MACF1: variants seen among roughly 807,000 people sequenced by gnomAD.
MACF1 encodes the protein microtubule actin crosslinking factor 1.
MACF1 carries 193 observed loss-of-function variants against 854.8 expected under a neutral mutation model. That is an observed-to-expected ratio of 0.23 (90% CI 0.20 to 0.25). The LOEUF (loss-of-function observed/expected upper bound fraction) is 0.25, where lower values mean the gene tolerates loss of function less well. Among genes scored for constraint, MACF1 ranks in the 10% least tolerant of loss-of-function variants. The probability of loss-of-function intolerance (pLI) is 1.00; values close to 1 mark genes in which losing one functional copy is unlikely to be tolerated. For missense variants in MACF1, 7,722 were observed against 8,929.1 expected (o/e 0.86, Z 5.45); for synonymous variants, 3,185 against 3,226.7 (o/e 0.99, Z 0.44).
chr1:39,233,031 GTGTTTTGTT>G (rs1644802641), intron 2 of MACF1, among the ~76,000 whole-genome samples: 69 of 84,164 alleles, frequency 8.2e-4, no homozygotes, highest in East Asian at 2.2e-3. Flanking sequence ...TGTTGTTGTT[GTGTTTTGTT>G]TTTTGTTTTT....
intron 48 of MACF1, 34 bp downstream of exon 48, chr1:39,361,035 G>A (rs1648143989): frequency 1.9e-6 from 3 of 1,562,020 alleles, no homozygotes; most frequent in East Asian, 4.5e-5. Flanking sequence ...AGCATAGAGG[G>A]TATGTTTGCT....
At chr1:39,262,779 C>T (rs1437351473) in intron 6 of MACF1, among the ~76,000 whole-genome samples, 1 of 152,076 alleles carries the variant, frequency 6.6e-6, no homozygotes, top group African/African-American at 2.4e-5. Context: ...AGCCAAATGC[C>T]TATTTATTTG....
chr1:39,357,546 G>A lies in MACF1; in HGVS notation c.11596G>A (p.Glu3866Lys). Reference sequence around the variant, plus strand: ...ATACTCTACTTCCCTGGCCCAATCAGAGGCAGAACTGAAGCAGGTGCAGAC... The same window carrying A: ...ATACTCTACTTCCCTGGCCCAATCAAAGGCAGAACTGAAGCAGGTGCAGAC... Reference protein sequence around the residue: ...EQYSTSLAQSEAELKQVQTLQ... With the variant: ...EQYSTSLAQSKAELKQVQTLQ... Residue 3866 changes from glutamate to lysine, a missense_variant, in exon 45 of 101, where the codon GAG becomes AAG. Physicochemically the swap from Glu to Lys is moderately conservative, Grantham distance 56 (BLOSUM62 1). Transcript: ENST00000564288. The A allele has an allele frequency of 1.2e-6, 2 of 1,614,178 alleles. No individual in the cohort carries two copies. Among genetic ancestry groups the A allele is most frequent in the Non-Finnish European group, 1.7e-6 (2 of 1,180,038 alleles).
intron 58 of MACF1, among the ~76,000 whole-genome samples, chr1:39,407,919 T>A (rs941070314): frequency 2.0e-5 from 3 of 152,216 alleles, no homozygotes; most frequent in Non-Finnish European, 4.4e-5. Context: ...TTGGACCCGT[T>A]CAGAGATGCA....
chr1:39,253,509 A>ATTTTTTT (rs34578005), intron 4 of MACF1, among the ~76,000 whole-genome samples: 56 of 91,498 alleles, frequency 6.1e-4, no homozygotes, highest in Middle Eastern at 8.3e-3. Context: ...AGCTATCTGT[A>ATTTTTTT]TTTTTTTTTT....
Position 39,333,492 on chromosome 1 carries a change from A to G in MACF1, c.6904A>G (p.Thr2302Ala). 1 of 1,614,192 alleles carries G rather than the reference A, an allele frequency of 6.2e-7. No homozygotes were observed. The highest frequency in any genetic ancestry group is 8.5e-7 in the Non-Finnish European group (1 of 1,180,026). ...AGATGGTGGTATCTTTCATGAACAA[A>G]CAGGTCAAAAGCTCTTACTAAATGA... Reference protein sequence around the residue: ...LLDGGIFHEQTGQKLLLNEAI... With the variant: ...LLDGGIFHEQAGQKLLLNEAI... The change falls in exon 37 of 101, where the codon ACA becomes GCA. Residue 2302 changes from threonine to alanine, a missense_variant. Physicochemically the swap from Thr to Ala is moderately conservative, Grantham distance 58. Transcript: ENST00000564288.
At chr1:39,124,713 A>G (rs1642815986) in intron 2 of MACF1, among the ~76,000 whole-genome samples, 1 of 152,240 alleles carries the variant, frequency 6.6e-6, no homozygotes, top group African/African-American at 2.4e-5. Context: ...GCATTAACAC[A>G]TCTTGTACTT....
At chr1:39,103,092 C>T in intron 2 of MACF1, 1 of 618,926 alleles carries the variant, frequency 1.6e-6, no homozygotes, top group Non-Finnish European at 2.9e-6. Context: ...CTTAGAGAAG[C>T]TCTCTAGCCA....
chr1:39,375,847 G>A (rs963967079), intron 52 of MACF1, among the ~76,000 whole-genome samples: 2 of 152,194 alleles, frequency 1.3e-5, no homozygotes, highest in Non-Finnish European at 2.9e-5. Flanking sequence ...GACTGACATT[G>A]AGGACAAAAA....
intron 2 of MACF1, among the ~76,000 whole-genome samples, chr1:39,198,674 A>G (rs1224202507): frequency 6.6e-6 from 1 of 151,046 alleles, no homozygotes; most frequent in African/African-American, 2.4e-5. Context: ...AAAAAAAAAA[A>G]ATTAGCTGGG....
At position 39,443,029 on chromosome 1, in the gene MACF1, G is replaced by A. The variant is rs75882914; in HGVS notation, c.19302+118G>A. 0.088 allele frequency: 85,201 copies of A among 970,586 alleles called. 4,521 individuals carry two copies. The highest frequency in any genetic ancestry group is 0.2 in the South Asian group (12,492 of 63,872). The allele number at this position is 970,586 out of a possible 1,614,324, so 60.1% of individuals were successfully genotyped here. Reference sequence around the variant, plus strand: ...GAATCCCTTATGTCTTGAGGGGAAGGTTAATACTGTGCTGTAACTTATCTA... The same window carrying A: ...GAATCCCTTATGTCTTGAGGGGAAGATTAATACTGTGCTGTAACTTATCTA... On this transcript the variant is annotated intron_variant, in intron 78 of 100. Coordinates refer to ENST00000564288, the MANE Select transcript of MACF1 (RefSeq NM_001394062.1).
At chr1:39,439,128 G>T in intron 71 of MACF1, 146 bp from the exon 72 acceptor site, 1 of 488,370 alleles carries the variant, frequency 2.0e-6, no homozygotes, top group Non-Finnish European at 3.7e-6. Context: ...AACTAAAATA[G>T]AAAATTATCC....
At position 39,204,772 on chromosome 1, in the gene MACF1, C is replaced by T. The variant is rs985024002; in HGVS notation, c.-251C>T. The T allele has an allele frequency of 4.5e-5, 19 of 422,636 alleles. No homozygotes were observed. Among genetic ancestry groups the T allele is most frequent in the South Asian group, 1.4e-4 (4 of 28,498 alleles). The allele number at this position is 422,636 out of a possible 1,614,324, so 26.2% of individuals were successfully genotyped here. A position where few individuals can be genotyped will look rare whatever the true frequency, so the allele number is the denominator to read the frequency against. ...GTTCCTTCTTCCCTTTCCCCTCCCCCGCTGGCCAGTTGTTTCCTGGGCTTT... is the reference window on the plus strand; with the variant it reads ...GTTCCTTCTTCCCTTTCCCCTCCCCTGCTGGCCAGTTGTTTCCTGGGCTTT... On this transcript the variant is annotated 5_prime_UTR_variant, in exon 1 of 101. Transcript: ENST00000564288.
At chr1:39,228,740 G>A (rs905413142) in intron 1 of MACF1, among the ~76,000 whole-genome samples, 44 of 152,128 alleles carry the variant, frequency 2.9e-4, no homozygotes, top group African/African-American at 1.0e-3. Flanking sequence ...TGCAACCTCC[G>A]CCTCCTGGGT....
At chr1:39,150,809 T>A (rs1225861357) in intron 2 of MACF1, among the ~76,000 whole-genome samples, 1 of 152,246 alleles carries the variant, frequency 6.6e-6, no homozygotes, top group African/African-American at 2.4e-5. Flanking sequence ...TAACCTTTTG[T>A]GATTTTATCC....
intron 2 of MACF1, among the ~76,000 whole-genome samples, chr1:39,089,593 A>G (rs1641755906): frequency 6.6e-6 from 1 of 152,118 alleles, no homozygotes; most frequent in African/African-American, 2.4e-5. Context: ...TGGGACAGAG[A>G]GCCATGAGAG....
chr1:39,168,130 G>A (rs1203072887), intron 2 of MACF1, among the ~76,000 whole-genome samples: 1 of 152,178 alleles, frequency 6.6e-6, no homozygotes, highest in African/African-American at 2.4e-5. Flanking sequence ...AGCCCGTTTA[G>A]CTCTGGACAG....
chr1:39,399,573 C>T (rs1159172811), intron 58 of MACF1, among the ~76,000 whole-genome samples: 10 of 151,960 alleles, frequency 6.6e-5, no homozygotes, highest in South Asian at 4.1e-4. Context: ...GACAGGGTTT[C>T]GCCACGTTGG....
intron 2 of MACF1, among the ~76,000 whole-genome samples, chr1:39,110,122 G>A (rs1276965931): frequency 6.6e-6 from 1 of 151,908 alleles, no homozygotes; most frequent in African/African-American, 2.4e-5. Flanking sequence ...CACAGTGATT[G>A]GAAAATATGG....
Sources: allele counts gnomAD v4.1 joint callset (sites outside exome capture counted in the v4.1 genomes callset), GRCh38; gene constraint gnomAD v4.1.1; transcripts MANE v1.5; gene names NCBI Gene and HGNC (gene_info 2026-07-23, HGNC 2026-07-21).